Variants in IL1RAPL1 observed in about 807,000 individuals in gnomAD.
IL1RAPL1 encodes the protein interleukin 1 receptor accessory protein like 1.
Under a neutral mutation model 48.4 loss-of-function variants are expected in IL1RAPL1, and 3 were observed. That is an observed-to-expected ratio of 0.06 (90% confidence interval 0.03 to 0.16). IL1RAPL1 has a LOEUF of 0.16. Among genes scored for constraint, IL1RAPL1 ranks in the 10% least tolerant of loss-of-function variants. The pLI is 1.00. For synonymous variants in IL1RAPL1, 185 were observed against 187.7 expected, an observed-to-expected ratio of 0.99 and a Z score of 0.12; for missense variants, 349 against 530.6, an observed-to-expected ratio of 0.66 and a Z score of 3.36.
At chrX:29,842,231 G>A (rs1443695269) in intron 6 of IL1RAPL1, among the ~76,000 whole-genome samples, 1 of 112,180 alleles carries the variant, frequency 8.9e-6, no homozygotes, top group Non-Finnish European at 1.9e-5. Flanking sequence ...TTATGGCAAT[G>A]TACTCAAAAG....
At chrX:29,132,620 T>A (rs1929045140) in intron 2 of IL1RAPL1, among the ~76,000 whole-genome samples, 1 of 111,868 alleles carries the variant, frequency 8.9e-6, no homozygotes, top group African/African-American at 3.2e-5. Flanking sequence ...TGTATCCCTG[T>A]CATTAAGTGA....
chrX:29,528,170 A>G (rs1935574076), intron 5 of IL1RAPL1, among the ~76,000 whole-genome samples: 1 of 112,489 alleles, frequency 8.9e-6, no homozygotes, highest in Non-Finnish European at 1.9e-5. Context: ...CTGAAGATAT[A>G]TCTCCTACAA....
chrX:28,935,300 C>T (rs190590269), intron 2 of IL1RAPL1, among the ~76,000 whole-genome samples: 16 of 111,241 alleles, frequency 1.4e-4, no homozygotes, highest in African/African-American at 4.6e-4. Flanking sequence ...TTTTACAAAG[C>T]GTAAGGCAGA....
intron 1 of IL1RAPL1, among the ~76,000 whole-genome samples, chrX:28,700,885 A>G (rs775856304): frequency 9.0e-6 from 1 of 111,476 alleles, no homozygotes; most frequent in South Asian, 3.8e-4. Flanking sequence ...ACATGAACTC[A>G]TTCTTTTTTA....
chrX:29,915,649 T>C (rs1932791758), intron 6 of IL1RAPL1, among the ~76,000 whole-genome samples: 1 of 108,671 alleles, frequency 9.2e-6, no homozygotes, highest in Non-Finnish European at 1.9e-5. Context: ...AGGCTTCCAG[T>C]ACTTAAGAAA....
At chrX:29,430,611 GTGTGTA>G (rs1337275426) in intron 5 of IL1RAPL1, among the ~76,000 whole-genome samples, 1 of 106,995 alleles carries the variant, frequency 9.3e-6, no homozygotes, top group African/African-American at 3.6e-5. Context: ...GTGTGTGTGT[GTGTGTA>G]TGTGTATGTT....
intron 1 of IL1RAPL1, among the ~76,000 whole-genome samples, chrX:28,608,387 C>T (rs1319980569): frequency 1.8e-5 from 2 of 111,937 alleles, no homozygotes; most frequent in African/African-American, 6.5e-5. Flanking sequence ...AAATGACAGG[C>T]CTTTCAAACT....
intron 1 of IL1RAPL1, among the ~76,000 whole-genome samples, chrX:28,772,070 A>G (rs929260563): frequency 5.4e-5 from 6 of 111,520 alleles, no homozygotes; most frequent in African/African-American, 1.6e-4. Context: ...GTTACTGACA[A>G]CTATGGATTA....
intron 2 of IL1RAPL1, among the ~76,000 whole-genome samples, chrX:29,058,967 C>T (rs1378822192): frequency 8.9e-6 from 1 of 111,861 alleles, no homozygotes; most frequent in Non-Finnish European, 1.9e-5. Flanking sequence ...AAATTGTGTC[C>T]ATGAATGTTT....
intron 1 of IL1RAPL1, among the ~76,000 whole-genome samples, chrX:28,732,299 A>G (rs1309976354): frequency 1.8e-5 from 2 of 112,095 alleles, no homozygotes; most frequent in African/African-American, 3.2e-5. Context: ...TTCATCATAC[A>G]TCAAATTTTA....
At chrX:29,456,660 C>T (rs1043322792) in intron 5 of IL1RAPL1, among the ~76,000 whole-genome samples, 5 of 111,254 alleles carry the variant, frequency 4.5e-5, no homozygotes, top group South Asian at 3.8e-4. Context: ...TTATCAGTTA[C>T]GGAAGACTCA....
At chrX:29,149,251 A>G (rs139638457) in intron 2 of IL1RAPL1, among the ~76,000 whole-genome samples, 1,240 of 110,806 alleles carry the variant, frequency 0.011, 8 homozygotes, top group Non-Finnish European at 0.017. Context: ...TATATTATTT[A>G]TCTAGTCTGC....
chrX:29,319,148 GTCTA>G (rs199588512), intron 3 of IL1RAPL1, among the ~76,000 whole-genome samples: 3 of 84,184 alleles, frequency 3.6e-5, no homozygotes, highest in South Asian at 6.1e-4. Flanking sequence ...TATGATATCT[GTCTA>G]TCTGTCTGTC....
intron 6 of IL1RAPL1, among the ~76,000 whole-genome samples, chrX:29,839,265 A>T (rs2147192537): frequency 8.9e-6 from 1 of 112,423 alleles, no homozygotes; most frequent in African/African-American, 3.2e-5. Flanking sequence ...GATTAAAATT[A>T]ACTCATATAT....
chrX:28,867,315 T>A (rs1475679493), intron 2 of IL1RAPL1, among the ~76,000 whole-genome samples: 2 of 111,488 alleles, frequency 1.8e-5, no homozygotes, highest in Non-Finnish European at 3.8e-5. Flanking sequence ...TTATCTGGCA[T>A]GGAGGTGTGA....
chrX:29,008,295 G>A (rs1373753402), intron 2 of IL1RAPL1, among the ~76,000 whole-genome samples: 1 of 106,891 alleles, frequency 9.4e-6, no homozygotes. Flanking sequence ...TCAGCCTCCC[G>A]AGTAGGGTAG....
At chrX:29,169,339 A>G (rs948092473) in intron 2 of IL1RAPL1, among the ~76,000 whole-genome samples, 1 of 110,519 alleles carries the variant, frequency 9.0e-6, no homozygotes, top group Admixed American at 9.8e-5. Flanking sequence ...CTGCCTCACT[A>G]TAGAAGTTAT....
At chrX:28,825,250 G>T (rs1342891066) in intron 2 of IL1RAPL1, among the ~76,000 whole-genome samples, 1 of 111,604 alleles carries the variant, frequency 9.0e-6, no homozygotes, top group South Asian at 3.7e-4. Flanking sequence ...AAATGAAGTT[G>T]TCATGAAAAG....
chrX:28,981,810 C>T (rs1925348921), intron 2 of IL1RAPL1, among the ~76,000 whole-genome samples: 1 of 111,282 alleles, frequency 9.0e-6, no homozygotes, highest in Non-Finnish European at 1.9e-5. Flanking sequence ...TTTGTACATG[C>T]TCTGCACAAA....
Sources: allele counts gnomAD v4.1 joint callset (sites outside exome capture counted in the v4.1 genomes callset), GRCh38; gene constraint gnomAD v4.1.1; transcripts MANE v1.5; gene names NCBI Gene and HGNC (gene_info 2026-07-23, HGNC 2026-07-21).